NDUFAF2: variants seen among roughly 807,000 people sequenced by gnomAD.
The protein encoded by NDUFAF2 is NADH dehydrogenase [ubiquinone] 1 alpha subcomplex assembly factor 2.
A neutral mutation model predicts 22.8 loss-of-function variants in NDUFAF2; 13 were observed. The observed-to-expected ratio is 0.57, with a 90% CI of 0.37 to 0.91. The LOEUF (loss-of-function observed/expected upper bound fraction) is 0.91. Ranked by LOEUF, NDUFAF2 falls within the 40% of genes least tolerant of loss-of-function variation. The pLI is 0.01. For synonymous variants in NDUFAF2, 53 were observed against 64.2 expected, an observed-to-expected ratio of 0.83 and a Z score of 0.84; for missense variants, 162 against 195.2, an observed-to-expected ratio of 0.83 and a Z score of 1.01.
intron 1 of NDUFAF2, among the ~76,000 whole-genome samples, chr5:61,005,636 G>T (rs1450148340): frequency 6.6e-6 from 1 of 152,168 alleles, no homozygotes. Context: ...CATTCTAACT[G>T]GTGTGAGATG....
chr5:61,076,700 T>A (rs1389172893), intron 2 of NDUFAF2, among the ~76,000 whole-genome samples: 1 of 152,200 alleles, frequency 6.6e-6, no homozygotes, highest in African/African-American at 2.4e-5. Context: ...TAGTCATATG[T>A]TCTGAGGTAT....
chr5:61,015,539 C>T (rs1751496996), intron 1 of NDUFAF2, among the ~76,000 whole-genome samples: 1 of 152,184 alleles, frequency 6.6e-6, no homozygotes, highest in South Asian at 2.1e-4. Flanking sequence ...ACCTCGGCCT[C>T]CCAAAGTGCT....
At chr5:61,036,058 G>A (rs1751796999) in intron 1 of NDUFAF2, among the ~76,000 whole-genome samples, 1 of 151,588 alleles carries the variant, frequency 6.6e-6, no homozygotes, top group Admixed American at 6.6e-5. Flanking sequence ...GACATCACTT[G>A]GAAAAGTTTT....
chr5:60,970,981 C>T (rs1039301762), intron 1 of NDUFAF2, among the ~76,000 whole-genome samples: 4 of 151,684 alleles, frequency 2.6e-5, no homozygotes, highest in African/African-American at 9.7e-5. Flanking sequence ...TGTGTTCTAC[C>T]AATATCATTT....
At chr5:61,024,429 C>A (rs1424734855) in intron 1 of NDUFAF2, among the ~76,000 whole-genome samples, 1 of 151,876 alleles carries the variant, frequency 6.6e-6, no homozygotes, top group Non-Finnish European at 1.5e-5. Context: ...TTTTAGGCCT[C>A]ATATATGTTA....
chr5:61,111,492 A>G (rs1579836080), intron 3 of NDUFAF2, among the ~76,000 whole-genome samples: 1 of 152,270 alleles, frequency 6.6e-6, no homozygotes, highest in East Asian at 1.9e-4. Flanking sequence ...GCTGCAGTGC[A>G]GTGGCATGAT....
chr5:61,033,160 T>C (rs1486916069), intron 1 of NDUFAF2, among the ~76,000 whole-genome samples: 2 of 152,124 alleles, frequency 1.3e-5, no homozygotes, highest in African/African-American at 2.4e-5. Flanking sequence ...ATTCTGTTTA[T>C]AGCAATTGTG....
intron 1 of NDUFAF2, among the ~76,000 whole-genome samples, chr5:61,033,622 T>G (rs1447651129): frequency 6.6e-6 from 1 of 152,140 alleles, no homozygotes; most frequent in Non-Finnish European, 1.5e-5. Flanking sequence ...ACAAATTCAT[T>G]TATTTCCATG....
chr5:61,097,293 T>TA (rs1325867868), intron 2 of NDUFAF2, among the ~76,000 whole-genome samples: 1 of 152,238 alleles, frequency 6.6e-6, no homozygotes, highest in African/African-American at 2.4e-5. Context: ...TTAATACACC[T>TA]AGACTACTAA....
At chr5:60,993,707 C>A (rs1179804730) in intron 1 of NDUFAF2, among the ~76,000 whole-genome samples, 1 of 152,114 alleles carries the variant, frequency 6.6e-6, no homozygotes, top group South Asian at 2.1e-4. Context: ...TAGCTCCTCT[C>A]TGCAGCTGAT....
chr5:61,036,465 C>T (rs1001562525), intron 1 of NDUFAF2, among the ~76,000 whole-genome samples: 11 of 152,124 alleles, frequency 7.2e-5, no homozygotes, highest in Admixed American at 5.9e-4. Flanking sequence ...TGTTATGAGA[C>T]TAATAACTAT....
At chr5:60,951,798 A>G (rs146385859) in intron 1 of NDUFAF2, among the ~76,000 whole-genome samples, 2 of 152,142 alleles carry the variant, frequency 1.3e-5, no homozygotes, top group East Asian at 3.9e-4. Flanking sequence ...TTGGATATAA[A>G]TTGCCTGTGA....
At chr5:61,071,155 A>C in intron 1 of NDUFAF2, among the ~76,000 whole-genome samples, 1 of 152,194 alleles carries the variant, frequency 6.6e-6, no homozygotes, top group South Asian at 2.1e-4. Flanking sequence ...AGAGAAATGC[A>C]GTTGTCATTG....
intron 3 of NDUFAF2, among the ~76,000 whole-genome samples, chr5:61,121,297 T>C (rs909302174): frequency 6.6e-6 from 1 of 152,214 alleles, no homozygotes; most frequent in Non-Finnish European, 1.5e-5. Context: ...GTCACCATGA[T>C]ACATTTATTT....
intron 1 of NDUFAF2, among the ~76,000 whole-genome samples, chr5:61,055,250 A>G (rs1047580480): frequency 3.3e-5 from 5 of 152,228 alleles, no homozygotes; most frequent in African/African-American, 1.2e-4. Flanking sequence ...CCATGTATGT[A>G]GCTTGTTGAA....
At chr5:60,957,510 T>C (rs1022102116) in intron 1 of NDUFAF2, among the ~76,000 whole-genome samples, 1 of 151,834 alleles carries the variant, frequency 6.6e-6, no homozygotes, top group African/African-American at 2.4e-5. Context: ...TTTTTTTTTT[T>C]TTAACAGTTT....
At chr5:60,992,089 G>A (rs542202547) in intron 1 of NDUFAF2, among the ~76,000 whole-genome samples, 3 of 152,102 alleles carry the variant, frequency 2.0e-5, no homozygotes, top group African/African-American at 7.2e-5. Flanking sequence ...CCATTTGTAT[G>A]TCTTCTTTTG....
At chr5:60,961,680 C>T (rs946445118) in intron 1 of NDUFAF2, among the ~76,000 whole-genome samples, 4 of 146,960 alleles carry the variant, frequency 2.7e-5, no homozygotes, top group Non-Finnish European at 5.9e-5. Flanking sequence ...ACAGGAGAAT[C>T]GCTTGAACCC....
intron 1 of NDUFAF2, among the ~76,000 whole-genome samples, chr5:61,047,560 G>A (rs1424619484): frequency 5.9e-5 from 9 of 152,152 alleles, no homozygotes; most frequent in Non-Finnish European, 1.2e-4. Flanking sequence ...TTCTGAACCA[G>A]CCATGGCTGT....
Sources: allele counts gnomAD v4.1 joint callset (sites outside exome capture counted in the v4.1 genomes callset), GRCh38; gene constraint gnomAD v4.1.1; transcripts MANE v1.5; gene names NCBI Gene and HGNC (gene_info 2026-07-23, HGNC 2026-07-21).